Variants in PLEKHH2 observed in about 807,000 individuals in gnomAD.
The protein encoded by PLEKHH2 is pleckstrin homology, MyTH4 and FERM domain containing H2, also known as pleckstrin homology domain-containing family H member 2.
A neutral mutation model predicts 187.9 loss-of-function variants in PLEKHH2; 129 were observed. That is an observed-to-expected ratio of 0.69 (90% CI 0.59 to 0.79). The LOEUF is 0.79. Ranked by LOEUF, PLEKHH2 falls within the 30% of genes least tolerant of loss-of-function variation. The probability of loss-of-function intolerance (pLI) is 0.00; values close to 1 mark genes in which losing one functional copy is unlikely to be tolerated. For missense variants in PLEKHH2, 2,076 were observed against 1,751.2 expected, an observed-to-expected ratio of 1.19 and a Z score of -3.31; for synonymous variants, 686 against 605.6, an observed-to-expected ratio of 1.13 and a Z score of -1.95.
intron 2 of PLEKHH2, chr2:43,676,131 G>A (rs759997691): frequency 7.4e-6 from 12 of 1,613,980 alleles, no homozygotes; most frequent in Admixed American, 1.7e-5. Flanking sequence ...TACTTTTACT[G>A]AGCTCCAAGA....
At chr2:43,720,541 C>T in intron 15 of PLEKHH2, 128 bp from the exon 16 acceptor site, 1 of 1,437,048 alleles carries the variant, frequency 7.0e-7, no homozygotes, top group Non-Finnish European at 9.3e-7. Context: ...ACTGGACAAT[C>T]TATTTGGAAT....
At chr2:43,703,108 C>A (rs1303968078) in intron 8 of PLEKHH2, among the ~76,000 whole-genome samples, 1 of 152,214 alleles carries the variant, frequency 6.6e-6, no homozygotes, top group Non-Finnish European at 1.5e-5. Context: ...CCCTGATAGT[C>A]GGAGAACTCA....
intron 17 of PLEKHH2, among the ~76,000 whole-genome samples, chr2:43,726,938 G>T (rs551812270): frequency 1.3e-5 from 2 of 150,202 alleles, no homozygotes; most frequent in East Asian, 1.9e-4. Context: ...GAGGAAATTG[G>T]CTACTTAGGA....
Position 43,703,026 on chromosome 2 carries a change from G to C in PLEKHH2, c.1651-955G>C, listed in dbSNP as rs1404456207. Among the ~76,000 whole-genome samples, 3 of 152,224 alleles carry C rather than the reference G, an allele frequency of 2.0e-5. No individual in the cohort carries two copies. The South Asian group carries it at 6.2e-4, about 32-fold the overall frequency. ...TATATGTCTTTCTGTTGCTGTTTGT[G>C]TGTGGGTGTATCTCACACTCAAAGA... On this transcript the variant is annotated intron_variant, in intron 8 of 29. Transcript: ENST00000282406.
intron 1 of PLEKHH2, among the ~76,000 whole-genome samples, chr2:43,641,301 T>C (rs1665908385): frequency 6.6e-6 from 1 of 152,194 alleles, no homozygotes; most frequent in Non-Finnish European, 1.5e-5. Context: ...TTTCTTCGAT[T>C]CCTTGTGCTT....
At chr2:43,675,812 C>A in intron 2 of PLEKHH2, 2 of 1,613,850 alleles carry the variant, frequency 1.2e-6, no homozygotes, top group East Asian at 2.2e-5. Flanking sequence ...CCAAATATAA[C>A]AGTGTGGCCC....
chr2:43,686,035 C>T (rs1359110214), intron 3 of PLEKHH2, among the ~76,000 whole-genome samples: 1 of 152,184 alleles, frequency 6.6e-6, no homozygotes, highest in Non-Finnish European at 1.5e-5. Flanking sequence ...GGCATGGTAG[C>T]AGCTACATTT....
chr2:43,683,835 G>T (rs1465702555), intron 3 of PLEKHH2, among the ~76,000 whole-genome samples: 1 of 151,312 alleles, frequency 6.6e-6, no homozygotes, highest in Non-Finnish European at 1.5e-5. Flanking sequence ...TTAAATCAAT[G>T]ATTTCATCAG....
At chr2:43,714,936 G>A (rs1467872552) in intron 15 of PLEKHH2, among the ~76,000 whole-genome samples, 1 of 152,206 alleles carries the variant, frequency 6.6e-6, no homozygotes, top group Non-Finnish European at 1.5e-5. Flanking sequence ...GTTATACCAA[G>A]TGGGAATGGG....
At chr2:43,739,705 C>T (rs1671472044) in intron 20 of PLEKHH2, among the ~76,000 whole-genome samples, 1 of 152,240 alleles carries the variant, frequency 6.6e-6, no homozygotes, top group African/African-American at 2.4e-5. Flanking sequence ...CTGGCCCGCT[C>T]TTTCTCCACT....
chr2:43,666,743 C>T (rs1209722542), intron 2 of PLEKHH2, among the ~76,000 whole-genome samples: 1 of 152,046 alleles, frequency 6.6e-6, no homozygotes, highest in Non-Finnish European at 1.5e-5. Flanking sequence ...ACTTGCTATC[C>T]ATATTTATTT....
At chr2:43,722,094 A>G (rs1670509544) in intron 16 of PLEKHH2, among the ~76,000 whole-genome samples, 2 of 151,802 alleles carry the variant, frequency 1.3e-5, no homozygotes, top group South Asian at 2.1e-4. Context: ...TCTACTAAAA[A>G]AAAAAAAAAA....
At chr2:43,683,493 T>C (rs1437543763) in intron 3 of PLEKHH2, among the ~76,000 whole-genome samples, 1 of 152,124 alleles carries the variant, frequency 6.6e-6, no homozygotes, top group Non-Finnish European at 1.5e-5. Context: ...CTAAACTAGA[T>C]TGATACATTT....
chr2:43,678,977 G>A, intron 3 of PLEKHH2, 52 bp downstream of exon 3: 1 of 1,260,414 alleles, frequency 7.9e-7, no homozygotes, highest in Non-Finnish European at 1.1e-6. Context: ...CTCACATAAA[G>A]ATTGTTTTGC....
chr2:43,646,645 T>TTTA (rs1666197645), intron 2 of PLEKHH2, among the ~76,000 whole-genome samples: 1 of 152,164 alleles, frequency 6.6e-6, no homozygotes, highest in East Asian at 1.9e-4. Context: ...ATTTTAAAAA[T>TTTA]AATAAAAGTG....
intron 16 of PLEKHH2, 137 bp downstream of exon 16, chr2:43,720,886 A>G (rs1471515275): frequency 7.5e-7 from 1 of 1,333,502 alleles, no homozygotes; most frequent in Admixed American, 3.0e-5. Context: ...ATTTGGTGCA[A>G]CTGAGAAAAT....
At chr2:43,675,775 C>T (rs752900759) in intron 2 of PLEKHH2, 2 of 1,613,690 alleles carry the variant, frequency 1.2e-6, no homozygotes, top group African/African-American at 1.3e-5. Context: ...GACAATCCCT[C>T]CTTCCACAGT....
At chr2:43,672,618 T>A (rs1215924215) in intron 2 of PLEKHH2, among the ~76,000 whole-genome samples, 1 of 152,240 alleles carries the variant, frequency 6.6e-6, no homozygotes, top group Non-Finnish European at 1.5e-5. Flanking sequence ...TGTACTTTCA[T>A]ATATAGCCTC....
At chr2:43,762,076 C>T (rs1672450630) in intron 27 of PLEKHH2, among the ~76,000 whole-genome samples, 1 of 152,154 alleles carries the variant, frequency 6.6e-6, no homozygotes. Flanking sequence ...TATCCAAATG[C>T]ATACATTAAT....
Sources: allele counts gnomAD v4.1 joint callset (sites outside exome capture counted in the v4.1 genomes callset), GRCh38; gene constraint gnomAD v4.1.1; transcripts MANE v1.5; gene names NCBI Gene and HGNC (gene_info 2026-07-23, HGNC 2026-07-21).